CERS1: variants seen among roughly 807,000 people sequenced by gnomAD.
CERS1 encodes ceramide synthase 1, also known as Embryonic growth/differentiation factor 1.
CERS1 carries 16 observed loss-of-function variants against 35.7 expected under a neutral mutation model. The ratio of observed to expected loss-of-function variants is 0.45; its 90% CI spans 0.30 to 0.68. CERS1 has a LOEUF of 0.68. CERS1 is among the 30% of genes least tolerant of loss of function. The probability of loss-of-function intolerance (pLI) is 0.08; values close to 1 mark genes in which losing one functional copy is unlikely to be tolerated. For missense variants in CERS1, 454 were observed against 453.9 expected (o/e 1.00, Z 0.00); for synonymous variants, 243 against 201.6 (o/e 1.21, Z -1.74).
chr19:18,878,797 T>G lies in CERS1; in HGVS notation c.1010+133A>C. The G allele has an allele frequency of 6.8e-7, 1 of 1,472,952 alleles. No homozygotes were observed. The highest frequency in any genetic ancestry group is 9.0e-7 in the Non-Finnish European group (1 of 1,111,880). 91.2% of individuals were successfully genotyped at this position (1,472,952 alleles called of 1,614,324 possible). A position where few individuals can be genotyped will look rare whatever the true frequency, so the allele number is the denominator to read the frequency against. On this transcript the variant is annotated intron_variant, in intron 6 of 7. Transcript: ENST00000623882. This position sits in a 1 kb window ranked among gnomAD's most constrained non-coding sequence, Gnocchi z 4.6. ...TCCACGCCTTTATTGCAGTCTCTGT[T>G]TTGGAGTAGGCTTGGGGGGCAGCAT... is the stretch of plus-strand genomic sequence containing the variant.
At chr19:18,877,686 C>T (rs899114689) in intron 6 of CERS1, among the ~76,000 whole-genome samples, 2 of 140,770 alleles carry the variant, frequency 1.4e-5, no homozygotes, top group East Asian at 2.1e-4. Context: ...GCCTGGGAGG[C>T]GGCGGTTGCA....
Position 18,884,272 on chromosome 19 carries a change from G to A in CERS1, c.410-5C>T, listed in dbSNP as rs775860483. ...CTGCCATGCCCGGCGTCCAGTCTGGGGAGAGCCAAATCTCACAGTCAGGGC... is the reference window on the plus strand; with the variant it reads ...CTGCCATGCCCGGCGTCCAGTCTGGAGAGAGCCAAATCTCACAGTCAGGGC... On this transcript the variant is annotated splice_polypyrimidine_tract_variant and splice_region_variant and intron_variant, in intron 2 of 7. Transcript: ENST00000623882. 13 of 1,608,586 alleles carry A rather than the reference G, an allele frequency of 8.1e-6. No homozygotes were observed. The highest frequency in any genetic ancestry group is 8.5e-6 in the Non-Finnish European group (10 of 1,178,230).
chr19:18,879,564 C>T (rs566233199), intron 4 of CERS1, among the ~76,000 whole-genome samples, 176 bp from the exon 5 acceptor site: 2 of 150,944 alleles, frequency 1.3e-5, no homozygotes, highest in Admixed American at 6.6e-5. Context: ...CCGCCCACCT[C>T]GCCAAGGCCC....
chr19:18,889,257 CCA>C (rs897031928), intron 2 of CERS1, among the ~76,000 whole-genome samples: 49 of 152,098 alleles, frequency 3.2e-4, no homozygotes, highest in African/African-American at 1.2e-3. Context: ...CTGATCCTCT[CCA>C]TCCTGACTCT....
chr19:18,894,299 C>A (rs1054914632), intron 1 of CERS1, among the ~76,000 whole-genome samples: 3 of 151,952 alleles, frequency 2.0e-5, no homozygotes, highest in Non-Finnish European at 4.4e-5. Context: ...CCAAGCCCCA[C>A]CCCTGGACAA....
In CERS1 at chr19:18,895,847, C is replaced by A; in HGVS notation, c.226G>T (p.Ala76Ser). The A allele has an allele frequency of 7.7e-7, 1 of 1,292,902 alleles. No individual in the cohort carries two copies. The highest frequency in any genetic ancestry group is 2.0e-5 in the South Asian group (1 of 51,206). 80.1% of individuals were successfully genotyped at this position (1,292,902 alleles called of 1,614,324 possible). ...GALGWTALRSAATARLFRPLA... is the reference protein window; with the variant it reads ...GALGWTALRSSATARLFRPLA... The stretch of plus-strand genomic sequence containing the variant: ...ACCCGAAAGAGGCGCGCAGTGGCCG[C>A]GGAGCGCAGGGCGGTCCAGCCCAGC... The change falls in exon 1 of 8, where the codon GCG becomes TCG. Residue 76 changes from alanine (A) to serine (S), a missense_variant. Coordinates refer to ENST00000623882, the MANE Select transcript of CERS1 (RefSeq NM_021267.5). The surrounding 1 kb of genome is among the most constrained non-coding windows in gnomAD (Gnocchi z 6.4).
intron 6 of CERS1, among the ~76,000 whole-genome samples, chr19:18,872,488 C>T (rs1425542933): frequency 1.3e-5 from 2 of 151,706 alleles, no homozygotes; most frequent in Admixed American, 1.3e-4. Flanking sequence ...GCTGGGACTA[C>T]AGGCATGCAA....
At chr19:18,882,592 A>G (rs1393871726) in intron 3 of CERS1, among the ~76,000 whole-genome samples, 1 of 151,744 alleles carries the variant, frequency 6.6e-6, no homozygotes, top group Non-Finnish European at 1.5e-5. Context: ...AGCCAATGTC[A>G]TGGCACTGCA....
chr19:18,892,552 C>G (rs2056517192), intron 2 of CERS1, among the ~76,000 whole-genome samples: 1 of 151,902 alleles, frequency 6.6e-6, no homozygotes, highest in Non-Finnish European at 1.5e-5. Flanking sequence ...AGGCGGAGCT[C>G]ACAGTGAGCC....
At chr19:18,891,498 A>C (rs1356191332) in intron 2 of CERS1, among the ~76,000 whole-genome samples, 9 of 151,892 alleles carry the variant, frequency 5.9e-5, no homozygotes, top group Middle Eastern at 3.4e-3. Flanking sequence ...CGCTGCAGTC[A>C]CCTCCCTGCC....
chr19:18,894,252 T>G (rs1014169425), intron 1 of CERS1, among the ~76,000 whole-genome samples: 59 of 7,992 alleles, frequency 7.4e-3, no homozygotes, highest in African/African-American at 0.028. Context: ...GTGCGGTGGG[T>G]GGGTGGGTGG....
upstream of CERS1, chr19:18,896,538 GC>G: frequency 6.5e-6 from 1 of 153,962 alleles, no homozygotes; most frequent in Non-Finnish European, 1.4e-5. This position sits in a 1 kb window ranked among gnomAD's most constrained non-coding sequence, Gnocchi z 5.9. Context: ...CCGCTCCATC[GC>G]CCCGGCCCGC....
Position 18,869,024 on chromosome 19 carries a change from G to T in CERS1, c.*961C>A. On this transcript the variant is annotated 3_prime_UTR_variant, in exon 8 of 8. Coordinates refer to ENST00000623882, the MANE Select transcript of CERS1 (RefSeq NM_021267.5). ...GGTCACCAGCAGCAGCGAGGCCTCG[G>T]CCAGGCGCGCGCAGGCGGCAGGGGC... The T allele has an allele frequency of 9.2e-7, 1 of 1,082,442 alleles. No individual in the cohort carries two copies. The allele number at this position is 1,082,442 out of a possible 1,614,324, so 67.1% of individuals were successfully genotyped here.
intron 6 of CERS1, among the ~76,000 whole-genome samples, chr19:18,874,535 C>G (rs911492505): frequency 3.3e-5 from 5 of 152,198 alleles, no homozygotes; most frequent in Non-Finnish European, 7.3e-5. Context: ...ATTTACGGAG[C>G]ATTGAGTGCA....
At chr19:18,893,061 C>A (rs1285803424) in intron 2 of CERS1, among the ~76,000 whole-genome samples, 1 of 151,888 alleles carries the variant, frequency 6.6e-6, no homozygotes, top group South Asian at 2.1e-4. Flanking sequence ...GGATTACAGG[C>A]GCCCACCACA....
chr19:18,893,163 T>G (rs780660206), intron 2 of CERS1, among the ~76,000 whole-genome samples: 1 of 152,174 alleles, frequency 6.6e-6, no homozygotes, highest in Non-Finnish European at 1.5e-5. Flanking sequence ...TCCACTCACC[T>G]TGGCCTCCCA....
chr19:18,890,115 G>A (rs1012375452), intron 2 of CERS1, among the ~76,000 whole-genome samples: 12 of 152,138 alleles, frequency 7.9e-5, no homozygotes, highest in African/African-American at 2.9e-4. Context: ...CGTGGCCTCC[G>A]AGGCCTGGAT....
rs2055947515 is a variant in CERS1, at chr19:18,870,417, G to A, written c.*160C>T. 2 of 1,214,714 alleles carry A rather than the reference G, an allele frequency of 1.6e-6. No homozygotes were observed. The highest frequency in any genetic ancestry group is 3.1e-5 in the African/African-American group (2 of 64,824). 75.2% of individuals were successfully genotyped at this position (1,214,714 alleles called of 1,614,324 possible). On this transcript the variant is annotated 3_prime_UTR_variant, in exon 7 of 8. Transcript: ENST00000623882. This position sits in a 1 kb window ranked among gnomAD's most constrained non-coding sequence, Gnocchi z 5.1. ...GAGGGGCAGGGGTCCTGGGGGGCGT[G>A]GCCGGGAACTGGAGGCAGGATGAGG... is the stretch of plus-strand genomic sequence containing the variant.
chr19:18,884,090 A>G lies in CERS1; in HGVS notation c.587T>C (p.Phe196Ser). 6.2e-7 allele frequency: 1 copy of G among 1,611,336 alleles called. No homozygotes were observed. Among genetic ancestry groups the G allele is most frequent in the Non-Finnish European group, 8.5e-7 (1 of 1,178,286 alleles). The change falls in exon 3 of 8, where the codon TTC (phenylalanine) becomes TCC (serine). Residue 196 changes from phenylalanine (F) to serine (S), a missense_variant. Coordinates refer to ENST00000623882, the MANE Select transcript of CERS1 (RefSeq NM_021267.5). ...TLILIVSSYA[F>S]RYHNVGILVL... is the part of the protein sequence containing the mutation. The stretch of plus-strand genomic sequence containing the variant: ...TGCCACCCGATCCTGTCCTTACCGG[A>G]AGGCGTAGGAGGAGACGATGAGGAT...
Sources: allele counts gnomAD v4.1 joint callset (sites outside exome capture counted in the v4.1 genomes callset), GRCh38; gene constraint gnomAD v4.1.1; non-coding constraint Gnocchi (gnomAD v3.1); transcripts MANE v1.5; gene names NCBI Gene and HGNC (gene_info 2026-07-23, HGNC 2026-07-21).